ZC3HAV1L: variants seen among roughly 807,000 people sequenced by gnomAD.
ZC3HAV1L encodes zinc finger CCCH-type antiviral protein 1-like.
ZC3HAV1L carries 23 observed loss-of-function variants against 28.2 expected under a neutral mutation model. The ratio of observed to expected loss-of-function variants is 0.82; its 90% confidence interval spans 0.59 to 1.16. The LOEUF is 1.16. Among genes scored for constraint, ZC3HAV1L ranks in the 50% most tolerant of loss-of-function variants. The pLI is 0.00. For synonymous variants in ZC3HAV1L, 180 were observed against 163.4 expected, an observed-to-expected ratio of 1.10 and a Z score of -0.78; for missense variants, 376 against 387.7, an observed-to-expected ratio of 0.97 and a Z score of 0.25.
At chr7:139,023,266 T>C (rs1375302720), downstream of ZC3HAV1L, among the ~76,000 whole-genome samples, 1 of 149,806 alleles carries the variant, frequency 6.7e-6, no homozygotes, top group African/African-American at 2.5e-5. Context: ...TCCAAGTAGG[T>C]CAAGTACATA....
At chr7:139,024,114 C>T (rs754952231), downstream of ZC3HAV1L, among the ~76,000 whole-genome samples, 17 of 152,170 alleles carry the variant, frequency 1.1e-4, no homozygotes, top group Admixed American at 2.6e-4. Context: ...AGACATGCGA[C>T]TTGACATCAA....
downstream of ZC3HAV1L, among the ~76,000 whole-genome samples, chr7:139,024,198 G>A (rs1815301411): frequency 6.6e-6 from 1 of 152,072 alleles, no homozygotes; most frequent in African/African-American, 2.4e-5. Flanking sequence ...TTAATCATGA[G>A]TGAAAATCAG....
chr7:139,033,822 C>T (rs563494405), intron 2 of ZC3HAV1L: 1 of 985,426 alleles, frequency 1.0e-6, no homozygotes, highest in South Asian at 4.7e-5. Context: ...AGGACTGGAC[C>T]CAGCCTCATA....
chr7:139,027,138 C>CT (rs1286357650), intron 3 of ZC3HAV1L, among the ~76,000 whole-genome samples: 1 of 100,504 alleles, frequency 9.9e-6, no homozygotes, highest in Non-Finnish European at 2.1e-5. Context: ...CCCTAAACAG[C>CT]CCGACACTGG....
Position 139,026,367 on chromosome 7 carries a change from G to A in ZC3HAV1L, c.*177C>T, listed in dbSNP as rs1264515397. The A allele has an allele frequency of 3.2e-6, 3 of 937,682 alleles. No individual in the cohort carries two copies. Among genetic ancestry groups the A allele is most frequent in the Admixed American group, 3.1e-5 (1 of 31,888 alleles). The allele number at this position is 937,682 out of a possible 1,614,324, so 58.1% of individuals were successfully genotyped here. On this transcript the variant is annotated 3_prime_UTR_variant, in exon 5 of 5. Coordinates refer to ENST00000275766, the MANE Select transcript of ZC3HAV1L (RefSeq NM_080660.4). ...CAGCAGAGCTCCATCTACCCAGCCT[G>A]AGGAAAGCACCTAGGAGCTGCAGAT...
rs995813725 is a variant in ZC3HAV1L, at chr7:139,035,531, T to A, written c.365+122A>T. 6.8e-6 allele frequency: 9 copies of A among 1,317,974 alleles called. No individual in the cohort carries two copies. In the African/African-American group the frequency reaches 1.4e-4, roughly 20 times the overall value. 81.6% of individuals were successfully genotyped at this position (1,317,974 alleles called of 1,614,324 possible). A position where few individuals can be genotyped will look rare whatever the true frequency, so the allele number is the denominator to read the frequency against. On this transcript the variant is annotated intron_variant, in intron 1 of 4. Coordinates refer to ENST00000275766, the MANE Select transcript of ZC3HAV1L (RefSeq NM_080660.4). The stretch of plus-strand genomic sequence containing the variant: ...AGGAAAGGCCTGCGGGAGGGGGTCG[T>A]CCAGCCCCGCGTCCCCGGCCCGGGG...
chr7:139,027,582 C>G (rs980235820), intron 3 of ZC3HAV1L, among the ~76,000 whole-genome samples: 2 of 152,056 alleles, frequency 1.3e-5, no homozygotes, highest in African/African-American at 4.8e-5. Flanking sequence ...GGAGGCTGAG[C>G]AGAAAGATCA....
intron 1 of ZC3HAV1L, 24 bp downstream of exon 1, chr7:139,035,629 C>G (rs1815685041): frequency 4.3e-6 from 6 of 1,386,364 alleles, no homozygotes; most frequent in Non-Finnish European, 2.8e-6. Context: ...CGCCCACAGT[C>G]CCCGCCCGCC....
At chr7:139,029,420 T>G (rs763856324) in intron 2 of ZC3HAV1L, among the ~76,000 whole-genome samples, 1 of 152,216 alleles carries the variant, frequency 6.6e-6, no homozygotes, top group Non-Finnish European at 1.5e-5. Flanking sequence ...GGGGAAAGCC[T>G]GATGATAGTG....
At position 139,026,685 on chromosome 7, in the gene ZC3HAV1L, C is replaced by T; in HGVS notation, c.886+23G>A. 2.5e-6 allele frequency: 4 copies of T among 1,613,296 alleles called. No homozygotes were observed. The South Asian group carries it at 3.3e-5, about 13-fold the overall frequency. On this transcript the variant is annotated intron_variant, in intron 4 of 4. Transcript: ENST00000275766. ...AAGCTGGACAAGCTTCTTCTTAGTT[C>T]ACTGACCCCCTTTAAGGTTTACCTG...
At chr7:139,027,100 T>C (rs1484535235) in intron 3 of ZC3HAV1L, among the ~76,000 whole-genome samples, 1 of 151,450 alleles carries the variant, frequency 6.6e-6, no homozygotes, top group African/African-American at 2.4e-5. Flanking sequence ...CAGCATAGGG[T>C]AGAAGGTACC....
chr7:139,030,511 GGCGACAGA>G lies in ZC3HAV1L; in HGVS notation c.502-1559_502-1552del, dbSNP rs553373218. 6.6e-5 allele frequency among the ~76,000 whole-genome samples: 10 copies of G among 152,038 alleles called. No individual in the cohort carries two copies. The South Asian group carries it at 2.1e-3, about 32-fold the overall frequency. ...GATTGCGCCACTGCACTCCAGCCTG[GGCGACAGA>G]GCGAGACTCCATTTCAAAAATAAAT... On this transcript the variant is annotated intron_variant, in intron 2 of 4. Coordinates refer to ENST00000275766, the MANE Select transcript of ZC3HAV1L (RefSeq NM_080660.4).
downstream of ZC3HAV1L, among the ~76,000 whole-genome samples, chr7:139,025,209 G>A (rs1023805965): frequency 1.3e-5 from 2 of 152,152 alleles, no homozygotes; most frequent in African/African-American, 4.8e-5. Context: ...AGCAGTTTGG[G>A]AGGCCGAGGC....
chr7:139,031,911 A>T (rs1815545412), intron 2 of ZC3HAV1L, among the ~76,000 whole-genome samples: 1 of 152,116 alleles, frequency 6.6e-6, no homozygotes, highest in Non-Finnish European at 1.5e-5. Flanking sequence ...TCTCAAAAAA[A>T]CAAAACAAAA....
At chr7:139,034,437 T>A in intron 2 of ZC3HAV1L, 106 bp downstream of exon 2, 5 of 1,443,484 alleles carry the variant, frequency 3.5e-6, no homozygotes, top group Non-Finnish European at 4.6e-6. Context: ...AACTGAATCA[T>A]GTTGCTTCGA....
At chr7:139,029,084 C>G (rs1482028682) in intron 2 of ZC3HAV1L, 124 bp from the exon 3 acceptor site, 1 of 1,121,512 alleles carries the variant, frequency 8.9e-7, no homozygotes, top group South Asian at 1.7e-5. Context: ...CTCACTGCAA[C>G]CTCCATCTCC....
In ZC3HAV1L at chr7:139,026,457, T is replaced by C; in HGVS notation, c.*87A>G. 3 of 1,577,160 alleles carry C rather than the reference T, an allele frequency of 1.9e-6. No homozygotes were observed. Among genetic ancestry groups the C allele is most frequent in the Non-Finnish European group, 2.6e-6 (3 of 1,164,928 alleles). The stretch of plus-strand genomic sequence containing the variant: ...ATCTGCACTCAATTTTAGCCTCTCT[T>C]TGCCTGTTCAATGTCCCACCCCATC... On this transcript the variant is annotated 3_prime_UTR_variant, in exon 5 of 5. Transcript: ENST00000275766.
intron 1 of ZC3HAV1L, 171 bp from the exon 2 acceptor site, chr7:139,034,849 T>C (rs1815651541): frequency 1.0e-6 from 1 of 985,308 alleles, no homozygotes; most frequent in African/African-American, 1.7e-5. Flanking sequence ...GAAAATTGGG[T>C]TGAAGGAACT....
intron 1 of ZC3HAV1L, chr7:139,034,903 G>A (rs1214348642): frequency 1.0e-6 from 1 of 985,320 alleles, no homozygotes; most frequent in Non-Finnish European, 1.2e-6. Flanking sequence ...ATGCTTTGAA[G>A]CCAAGGGTCG....
Sources: allele counts gnomAD v4.1 joint callset (sites outside exome capture counted in the v4.1 genomes callset), GRCh38; gene constraint gnomAD v4.1.1; transcripts MANE v1.5; gene names NCBI Gene and HGNC (gene_info 2026-07-23, HGNC 2026-07-21).